The following GPC5 variants were observed in gnomAD, a reference collection of about 807,000 sequenced individuals.
GPC5 encodes the protein glypican 5.
In GPC5, 47 loss-of-function variants were observed where a neutral mutation model predicts 53.9. The ratio of observed to expected loss-of-function variants is 0.87; its 90% CI spans 0.69 to 1.11. The LOEUF (loss-of-function observed/expected upper bound fraction) is 1.11, where lower values mean the gene tolerates loss of function less well. GPC5 is among the 50% of genes most tolerant of loss of function. The pLI, the probability that GPC5 is intolerant of heterozygous loss-of-function variation, is 0.00. For missense variants in GPC5, 748 were observed against 713.1 expected (o/e 1.05, Z -0.56); for synonymous variants, 286 against 263.3 (o/e 1.09, Z -0.84).
chr13:92,293,743 G>T (rs1023493862), intron 7 of GPC5, among the ~76,000 whole-genome samples: 1 of 152,118 alleles, frequency 6.6e-6, no homozygotes, highest in African/African-American at 2.4e-5. Context: ...GAGGAGTGGT[G>T]AGAGTGGGCA....
intron 6 of GPC5, among the ~76,000 whole-genome samples, chr13:92,032,912 C>G (rs1413293062): frequency 6.6e-6 from 1 of 152,140 alleles, no homozygotes; most frequent in South Asian, 2.1e-4. Context: ...ATCCAAGCAT[C>G]TCTTTCTCCC....
rs1879212010 is a variant in GPC5, at chr13:92,862,509, G to A, written c.1562-3773G>A. On this transcript the variant is annotated intron_variant, in intron 7 of 7. Transcript: ENST00000377067. ...GCCCCGTACTCTCACCATTGGAATG[G>A]TGAAAAAGATACCTGGTGGAGATAT... Among the ~76,000 whole-genome samples the A allele has an allele frequency of 2.0e-5, 3 of 151,946 alleles. No homozygotes were observed. In the South Asian group the frequency reaches 6.2e-4, roughly 32 times the overall value.
chr13:92,134,339 C>A (rs1400715142), intron 6 of GPC5, among the ~76,000 whole-genome samples: 1 of 152,048 alleles, frequency 6.6e-6, no homozygotes, highest in East Asian at 1.9e-4. Context: ...CCACAACAGG[C>A]AAAGGCAGTT....
intron 7 of GPC5, among the ~76,000 whole-genome samples, chr13:92,424,986 G>T (rs1876766708): frequency 6.6e-6 from 1 of 152,002 alleles, no homozygotes; most frequent in African/African-American, 2.4e-5. Context: ...ATCTTCTCAT[G>T]CTTAACACAC....
intron 6 of GPC5, among the ~76,000 whole-genome samples, chr13:92,120,015 GA>G (rs1442571551): frequency 6.6e-6 from 1 of 151,942 alleles, no homozygotes; most frequent in Non-Finnish European, 1.5e-5. Context: ...ATCTGCATAT[GA>G]GAAGAGGGTT....
rs774179295 is a variant in GPC5 at position 91,907,945 on chromosome 13, A to G, written c.1289A>G (p.Gln430Arg). 53 of 1,594,986 alleles carry G rather than the reference A, an allele frequency of 3.3e-5. 1 individual carries two copies. In the South Asian group the frequency reaches 5.8e-4, roughly 18 times the overall value. Residue 430 changes from glutamine to arginine, a missense_variant, in exon 6 of 8, where the codon CAG becomes CGG. Transcript: ENST00000377067. ...CACATTTCCCTTGCTAGTTATACTCAGCGTGTGGTTGGAAATGGAATCAAA... is the reference window on the plus strand; with the variant it reads ...CACATTTCCCTTGCTAGTTATACTCGGCGTGTGGTTGGAAATGGAATCAAA... ...NGEDIVKSYT[Q>R]RVVGNGIKAQ...
chr13:92,555,575 CCT>C (rs1295688593), intron 7 of GPC5, among the ~76,000 whole-genome samples: 3 of 150,170 alleles, frequency 2.0e-5, no homozygotes, highest in Non-Finnish European at 3.0e-5. Context: ...TTGAAAATGT[CCT>C]CTGTTTATAC....
chr13:92,180,169 C>A (rs1436493033), intron 7 of GPC5, among the ~76,000 whole-genome samples: 1 of 152,158 alleles, frequency 6.6e-6, no homozygotes. Flanking sequence ...ATGAAAACTG[C>A]AGGTTTGGTT....
chr13:92,190,734 G>A (rs1174679370), intron 7 of GPC5, among the ~76,000 whole-genome samples: 1 of 152,034 alleles, frequency 6.6e-6, no homozygotes, highest in Non-Finnish European at 1.5e-5. Context: ...TAATCGATAA[G>A]CTAAGACAGG....
intron 7 of GPC5, among the ~76,000 whole-genome samples, chr13:92,257,714 C>A (rs1453751572): frequency 6.6e-6 from 1 of 151,626 alleles, no homozygotes; most frequent in Admixed American, 6.6e-5. Context: ...CCACACCCGG[C>A]TCATTTTTTG....
chr13:92,563,991 T>TA (rs71123414), intron 7 of GPC5, among the ~76,000 whole-genome samples: 105,273 of 151,640 alleles, frequency 0.69, 37,863 homozygotes, highest in African/African-American at 0.86. Context: ...TGCACTTAAT[T>TA]TTTTTTTAGA....
intron 7 of GPC5, among the ~76,000 whole-genome samples, chr13:92,266,176 G>GT (rs2042801330): frequency 6.6e-6 from 1 of 151,856 alleles, no homozygotes; most frequent in Non-Finnish European, 1.5e-5. Flanking sequence ...GCATAACTGG[G>GT]TTCTTCTCAC....
intron 7 of GPC5, among the ~76,000 whole-genome samples, chr13:92,387,061 A>G (rs1341226250): frequency 6.6e-6 from 1 of 152,124 alleles, no homozygotes; most frequent in East Asian, 1.9e-4. Flanking sequence ...TTTTCATTGA[A>G]GATCATGTGC....
chr13:92,172,720 A>G (rs2042079248), intron 7 of GPC5, among the ~76,000 whole-genome samples: 1 of 151,950 alleles, frequency 6.6e-6, no homozygotes, highest in Non-Finnish European at 1.5e-5. Context: ...CTTAAAAGAG[A>G]TACTCTCCTA....
intron 7 of GPC5, among the ~76,000 whole-genome samples, chr13:92,777,093 A>G (rs1404426882): frequency 7.1e-6 from 1 of 141,700 alleles, no homozygotes; most frequent in Non-Finnish European, 1.5e-5. Flanking sequence ...GTACTTTGGG[A>G]GGCCAAGGCG....
intron 7 of GPC5, among the ~76,000 whole-genome samples, chr13:92,850,448 A>C (rs1878755788): frequency 6.6e-6 from 1 of 152,108 alleles, no homozygotes; most frequent in Non-Finnish European, 1.5e-5. Context: ...AAAAATACAA[A>C]AATTAGCCGA....
intron 6 of GPC5, among the ~76,000 whole-genome samples, chr13:91,977,036 CTCAA>C (rs2040309301): frequency 8.0e-6 from 1 of 124,272 alleles, no homozygotes; most frequent in Admixed American, 8.6e-5. Context: ...AAGATTCTGT[CTCAA>C]TAAATAAATA....
At chr13:92,285,499 T>G (rs150281917) in intron 7 of GPC5, among the ~76,000 whole-genome samples, 3,355 of 152,050 alleles carry the variant, frequency 0.022, 57 homozygotes, top group Non-Finnish European at 0.034. Context: ...TATACTACAA[T>G]GCTACAGTAA....
intron 2 of GPC5, among the ~76,000 whole-genome samples, chr13:91,514,193 T>C (rs1309950479): frequency 9.2e-5 from 14 of 152,204 alleles, no homozygotes; most frequent in African/African-American, 2.2e-4. Context: ...CTTATAATAA[T>C]AGCATGTTTA....
Sources: allele counts gnomAD v4.1 joint callset (sites outside exome capture counted in the v4.1 genomes callset), GRCh38; gene constraint gnomAD v4.1.1; transcripts MANE v1.5; gene names NCBI Gene and HGNC (gene_info 2026-07-23, HGNC 2026-07-21).